NPIPB15: variants seen among roughly 807,000 people sequenced by gnomAD.
The protein encoded by NPIPB15 is nuclear pore complex interacting protein family member B15, also known as nuclear pore complex-interacting protein family member B15.
In NPIPB15, 5 loss-of-function variants were observed where a neutral mutation model predicts 35.9. The observed-to-expected ratio is 0.14, with a 90% CI of 0.07 to 0.29. The LOEUF (loss-of-function observed/expected upper bound fraction) is 0.29, where lower values mean the gene tolerates loss of function less well. NPIPB15 is among the 10% of genes least tolerant of loss of function. The probability of loss-of-function intolerance (pLI) is 1.00; values close to 1 mark genes in which losing one functional copy is unlikely to be tolerated. For synonymous variants in NPIPB15, 43 were observed against 182.0 expected, an observed-to-expected ratio of 0.24 and a Z score of 6.15; for missense variants, 100 against 506.1, an observed-to-expected ratio of 0.20 and a Z score of 7.70.
At position 74,391,911 on chromosome 16, in the gene NPIPB15, G is replaced by C; in HGVS notation, c.1163G>C (p.Arg388Thr). Reference protein sequence around the residue: ...DEVEQSPKPKRQREAEAQQLP... With the variant: ...DEVEQSPKPKTQREAEAQQLP... ...GTGGAACAATCGCCCAAGCCCAAGAGGCAGAGGGAGGCCGAGGCACAACAA... is the reference window on the plus strand; with the variant it reads ...GTGGAACAATCGCCCAAGCCCAAGACGCAGAGGGAGGCCGAGGCACAACAA... The change falls in exon 8 of 8, where the codon AGG becomes ACG. Residue 388 changes from arginine (R) to threonine (T), a missense_variant. By Grantham distance (71) the Arg-to-Thr change is moderately conservative (BLOSUM62 -1). Transcript: ENST00000692376. The C allele has an allele frequency of 6.4e-7, 1 of 1,569,930 alleles. No individual in the cohort carries two copies. The highest frequency in any genetic ancestry group is 1.9e-5 in the Admixed American group (1 of 52,620).
At chr16:74,387,915 C>G (rs1403145265) in intron 5 of NPIPB15, among the ~76,000 whole-genome samples, 1 of 151,648 alleles carries the variant, frequency 6.6e-6, no homozygotes, top group Non-Finnish European at 1.5e-5. Flanking sequence ...GGCAACACAG[C>G]AAACTTACCC....
Position 74,376,400 on chromosome 16 carries a change from T to C in NPIPB15, c.-969T>C, listed in dbSNP as rs2011667706. On this transcript the variant is annotated 5_prime_UTR_variant, in exon 1 of 8. Transcript: ENST00000692376. ...CAGGGCCAGGAAAGGTGATGGACAG[T>C]GGGGGTCTGTCCTGGTCACCAGACC... Among the ~76,000 whole-genome samples, 1 of 151,350 alleles carries C rather than the reference T, an allele frequency of 6.6e-6. No individual in the cohort carries two copies. The highest frequency in any genetic ancestry group is 2.4e-5 in the African/African-American group (1 of 41,138).
intron 2 of NPIPB15, 86 bp from the exon 3 acceptor site, chr16:74,381,430 T>C (rs917455910): frequency 3.9e-5 from 56 of 1,439,934 alleles, no homozygotes; most frequent in East Asian, 7.4e-5. Flanking sequence ...TTGGAGGAGG[T>C]TGACGGTTTC....
At chr16:74,388,936 C>T (rs939440214) in intron 5 of NPIPB15, 8 of 901,120 alleles carry the variant, frequency 8.9e-6, no homozygotes, top group African/African-American at 1.9e-5. Flanking sequence ...GAAGACCTAT[C>T]GTGAGAGAGA....
intron 2 of NPIPB15, among the ~76,000 whole-genome samples, chr16:74,379,028 G>A (rs1284593097): frequency 1.3e-4 from 20 of 152,258 alleles, no homozygotes; most frequent in African/African-American, 4.1e-4. Context: ...TTGAACTCCC[G>A]ACCTCAGGTG....
At position 74,381,536 on chromosome 16, in the gene NPIPB15, C is replaced by G. The variant is rs746429719; in HGVS notation, c.87C>G (p.Val29=). ...QPTPVINSLA[V]YRHRETDFGV... ...TCCAGGTCATCAATAGTCTGGCTGT[C>G]TATCGTCATCGTGAGACTGACTTTG... is the stretch of plus-strand genomic sequence containing the variant. The change falls in exon 3 of 8, where the codon GTC becomes GTG. Residue 29 remains valine, a synonymous_variant. Coordinates refer to ENST00000692376, the MANE Select transcript of NPIPB15 (RefSeq NM_001306094.2). 6.1e-5 allele frequency: 97 copies of G among 1,591,120 alleles called. No individual in the cohort carries two copies. The highest frequency in any genetic ancestry group is 6.0e-5 in the Non-Finnish European group (71 of 1,175,796).
At chr16:74,384,121 A>G (rs1242085768) in intron 3 of NPIPB15, among the ~76,000 whole-genome samples, 11 of 116,946 alleles carry the variant, frequency 9.4e-5, no homozygotes, top group African/African-American at 3.0e-4. Context: ...ACCAGCCTCA[A>G]TGAAGCTGAT....
intron 7 of NPIPB15, chr16:74,391,149 G>A (rs951486178): frequency 2.0e-6 from 2 of 984,174 alleles, no homozygotes; most frequent in Non-Finnish European, 2.4e-6. Context: ...TACATTTGCA[G>A]ACAGACACAG....
At chr16:74,378,292 A>G (rs2011789348) in intron 2 of NPIPB15, among the ~76,000 whole-genome samples, 2 of 151,616 alleles carry the variant, frequency 1.3e-5, no homozygotes, top group East Asian at 3.9e-4. Flanking sequence ...CTGAGGTGGG[A>G]GGATCGCTTG....
intron 7 of NPIPB15, chr16:74,391,181 T>C (rs1396337619): frequency 1.0e-6 from 1 of 985,286 alleles, no homozygotes; most frequent in Admixed American, 6.2e-5. Flanking sequence ...GACAACAGTG[T>C]GTCCCAATGA....
rs773185726 is a variant in NPIPB15, at chr16:74,381,568, G to C, written c.119G>C (p.Gly40Ala). 6.3e-7 allele frequency: 1 copy of C among 1,583,790 alleles called. No homozygotes were observed. Among genetic ancestry groups the C allele is most frequent in the Non-Finnish European group, 8.5e-7 (1 of 1,171,112 alleles). ...CATCGTGAGACTGACTTTGGTGTAG[G>C]AGTTCGAGACCACCCTGGCCAACAT... is the stretch of plus-strand genomic sequence containing the variant. The part of the protein sequence containing the change: ...YRHRETDFGV[G>A]VRDHPGQHGK... The change falls in exon 3 of 8, where the codon GGA becomes GCA. Residue 40 changes from glycine to alanine, a missense_variant. Physicochemically the swap from Gly to Ala is moderately conservative, Grantham distance 60 (BLOSUM62 0). Coordinates refer to ENST00000692376, the MANE Select transcript of NPIPB15 (RefSeq NM_001306094.2).
At chr16:74,377,374 T>C (rs1359544232) in intron 1 of NPIPB15, among the ~76,000 whole-genome samples, 28 bp downstream of exon 1, 13 of 152,072 alleles carry the variant, frequency 8.5e-5, no homozygotes, top group African/African-American at 2.9e-4. Flanking sequence ...AGAGGACCTG[T>C]CCTTGCGAGG....
chr16:74,383,705 CAGGAGTTCA>C lies in NPIPB15; in HGVS notation c.250-1634_250-1626del, dbSNP rs1387729263. Among the ~76,000 whole-genome samples, 11 of 150,562 alleles carry C rather than the reference CAGGAGTTCA, an allele frequency of 7.3e-5. No individual in the cohort carries two copies. In the Admixed American group the frequency reaches 7.4e-4, roughly 10 times the overall value. On this transcript the variant is annotated intron_variant, in intron 3 of 7. Transcript: ENST00000692376. ...CTGAGGCAGGTGGATGACTTGAGGTCAGGAGTTCAAGACCAGATGGGCCAACATGGTGAA... is the reference window on the plus strand; with the variant it reads ...CTGAGGCAGGTGGATGACTTGAGGTCAGACCAGATGGGCCAACATGGTGAA...
intron 2 of NPIPB15, among the ~76,000 whole-genome samples, chr16:74,381,148 C>CAAA (rs1166274271): frequency 4.2e-4 from 31 of 74,216 alleles, no homozygotes; most frequent in African/African-American, 1.3e-3. Flanking sequence ...ACTCTGTCTC[C>CAAA]AAAAAAAAAA....
chr16:74,380,081 A>G (rs1318179081), intron 2 of NPIPB15, among the ~76,000 whole-genome samples: 1 of 148,758 alleles, frequency 6.7e-6, no homozygotes, highest in African/African-American at 2.5e-5. Flanking sequence ...AATGTTATAC[A>G]TCAATTTAAA....
At chr16:74,378,763 G>T (rs1481520423) in intron 2 of NPIPB15, among the ~76,000 whole-genome samples, 1 of 150,166 alleles carries the variant, frequency 6.7e-6, no homozygotes, top group Non-Finnish European at 1.5e-5. Flanking sequence ...ACATACACCA[G>T]CATAAACCGA....
intron 2 of NPIPB15, among the ~76,000 whole-genome samples, chr16:74,378,955 C>T (rs1597151148): frequency 2.6e-5 from 4 of 151,654 alleles, no homozygotes; most frequent in South Asian, 2.1e-4. Flanking sequence ...CATGTGCCAC[C>T]ACTCCCAGCT....
chr16:74,389,248 G>C (rs1410071983), intron 5 of NPIPB15, among the ~76,000 whole-genome samples: 1 of 149,100 alleles, frequency 6.7e-6, no homozygotes, highest in African/African-American at 2.5e-5. Context: ...GATGCTCAAT[G>C]AAGGATGAAT....
chr16:74,376,343 G>A lies in NPIPB15; in HGVS notation c.-1026G>A, dbSNP rs1365728301. 2.6e-5 allele frequency among the ~76,000 whole-genome samples: 4 copies of A among 151,628 alleles called. No homozygotes were observed. The highest frequency in any genetic ancestry group is 9.7e-5 in the African/African-American group (4 of 41,216). On this transcript the variant is annotated 5_prime_UTR_variant, in exon 1 of 8. Transcript: ENST00000692376. The stretch of plus-strand genomic sequence containing the variant: ...AGTTTGGGCACACTCTGTGTGATCG[G>A]GCAGAAGGCCTGTGGGAAGTTCAGC...
Sources: allele counts gnomAD v4.1 joint callset (sites outside exome capture counted in the v4.1 genomes callset), GRCh38; gene constraint gnomAD v4.1.1; transcripts MANE v1.5; gene names NCBI Gene and HGNC (gene_info 2026-07-23, HGNC 2026-07-21).